The following ERC2 variants were observed in gnomAD, a reference collection of about 807,000 sequenced individuals.
The protein encoded by ERC2 is ELKS/RAB6-interacting/CAST family member 2.
Under a neutral mutation model 114.8 loss-of-function variants are expected in ERC2, and 42 were observed. That is an observed-to-expected ratio of 0.37 (90% confidence interval 0.29 to 0.47). The LOEUF is 0.47. ERC2 is among the 20% of genes least tolerant of loss of function. ERC2 has a pLI of 0.99. For missense variants in ERC2, 939 were observed against 1,150.7 expected (o/e 0.82, Z 2.66); for synonymous variants, 454 against 425.5 (o/e 1.07, Z -0.82).
chr3:55,869,095 T>C (rs2062452679), intron 14 of ERC2, among the ~76,000 whole-genome samples: 1 of 152,180 alleles, frequency 6.6e-6, no homozygotes, highest in Non-Finnish European at 1.5e-5. Context: ...CCAGTTACAG[T>C]TGACCAATGT....
At chr3:55,554,171 G>A (rs2055429963) in intron 17 of ERC2, among the ~76,000 whole-genome samples, 1 of 151,998 alleles carries the variant, frequency 6.6e-6, no homozygotes, top group Admixed American at 6.6e-5. Flanking sequence ...TAGACGACCT[G>A]GACTATCTTA....
At chr3:55,687,886 C>T (rs1473636150) in intron 16 of ERC2, among the ~76,000 whole-genome samples, 1 of 152,212 alleles carries the variant, frequency 6.6e-6, no homozygotes, top group Non-Finnish European at 1.5e-5. Context: ...AAACAATAGG[C>T]TTAGGCATGA....
chr3:56,212,396 G>C (rs143523012), intron 3 of ERC2, among the ~76,000 whole-genome samples: 1 of 151,900 alleles, frequency 6.6e-6, no homozygotes, highest in East Asian at 1.9e-4. Context: ...AATCAAAACC[G>C]CAATGTGATA....
At chr3:55,955,248 TTGTGTGTGTGTGTGTGTGTGTGTGTG>T (rs60633794) in intron 12 of ERC2, 3 of 360,696 alleles carry the variant, frequency 8.3e-6, no homozygotes, top group Non-Finnish European at 1.7e-5. Context: ...GGTGGTGTGT[TTGTGTGTGTGTGTGTGTGTGTGTGTG>T]TGTGTGTGTG....
chr3:56,332,900 C>G (rs1418124185), intron 2 of ERC2, among the ~76,000 whole-genome samples: 2 of 151,956 alleles, frequency 1.3e-5, no homozygotes, highest in Non-Finnish European at 2.9e-5. Context: ...GAAAAAGAAG[C>G]CAGAGAAGAA....
At chr3:55,665,767 G>A (rs2061334535) in intron 17 of ERC2, among the ~76,000 whole-genome samples, 1 of 152,210 alleles carries the variant, frequency 6.6e-6, no homozygotes, top group Admixed American at 6.5e-5. Context: ...TCATCATGGT[G>A]CTAATGCTGA....
At chr3:56,185,182 T>C (rs4974175) in intron 3 of ERC2, 117,489 of 152,146 alleles carry the variant, frequency 0.77, 47,242 homozygotes, top group South Asian at 0.89. Flanking sequence ...TGGTTAGTAT[T>C]GGGGTGAGAG....
intron 3 of ERC2, among the ~76,000 whole-genome samples, chr3:56,281,436 CA>C (rs71099629): frequency 1.3e-3 from 60 of 47,528 alleles, no homozygotes; most frequent in African/African-American, 2.4e-3. Flanking sequence ...GACTCCGTCT[CA>C]AAAAAAAAAA....
intron 8 of ERC2, among the ~76,000 whole-genome samples, chr3:56,017,641 C>T (rs1461567392): frequency 6.6e-6 from 1 of 152,086 alleles, no homozygotes; most frequent in Non-Finnish European, 1.5e-5. Flanking sequence ...TAAGTGTCAC[C>T]TTCTCAGCAA....
intron 3 of ERC2, among the ~76,000 whole-genome samples, chr3:56,254,672 T>C (rs1001898438): frequency 1.3e-5 from 2 of 152,206 alleles, no homozygotes; most frequent in Non-Finnish European, 2.9e-5. Context: ...AAATGAATGT[T>C]GAATCAGTAA....
At chr3:56,164,416 A>G (rs1055900568) in intron 4 of ERC2, among the ~76,000 whole-genome samples, 1 of 152,086 alleles carries the variant, frequency 6.6e-6, no homozygotes, top group Non-Finnish European at 1.5e-5. Flanking sequence ...GTTGTAGCCT[A>G]TATCAGTAAT....
intron 7 of ERC2, among the ~76,000 whole-genome samples, chr3:56,039,193 T>A (rs1365782359): frequency 2.0e-5 from 3 of 152,056 alleles, no homozygotes; most frequent in Admixed American, 2.0e-4. Flanking sequence ...AACCTGTACA[T>A]CCTGCACATG....
intron 13 of ERC2, among the ~76,000 whole-genome samples, chr3:55,914,862 T>C (rs1274136857): frequency 6.6e-6 from 1 of 152,172 alleles, no homozygotes; most frequent in Non-Finnish European, 1.5e-5. Context: ...TGGACATTCT[T>C]CCTTCTAAGT....
At chr3:56,057,954 C>T (rs914672023) in intron 7 of ERC2, among the ~76,000 whole-genome samples, 1 of 152,064 alleles carries the variant, frequency 6.6e-6, no homozygotes, top group African/African-American at 2.4e-5. Context: ...TTTTAAATAA[C>T]ATTACATAAT....
rs954142032 is a variant in ERC2, at chr3:55,595,663, T to C, written c.*40-84387A>G. Among the ~76,000 whole-genome samples the C allele has an allele frequency of 2.6e-5, 4 of 152,334 alleles. No homozygotes were observed. In the East Asian group the frequency reaches 5.8e-4, roughly 22 times the overall value. The stretch of plus-strand genomic sequence containing the variant: ...ATCTAATGAAAATGTCAGTGTTTTA[T>C]GCAGTTTAAAAACTGACAATTCAAC... On this transcript the variant is annotated intron_variant, in intron 17 of 17. Coordinates refer to ENST00000288221, the MANE Select transcript of ERC2 (RefSeq NM_015576.3).
intron 4 of ERC2, among the ~76,000 whole-genome samples, chr3:56,162,678 A>G (rs975984230): frequency 6.6e-6 from 1 of 152,168 alleles, no homozygotes; most frequent in African/African-American, 2.4e-5. Context: ...AAGTGTTCAT[A>G]ATAGTCTCTG....
At chr3:55,957,541 T>C (rs952148091) in intron 12 of ERC2, among the ~76,000 whole-genome samples, 10 of 152,172 alleles carry the variant, frequency 6.6e-5, no homozygotes, top group Admixed American at 3.9e-4. Context: ...CTGCTTGGGT[T>C]TTGCTTGAGG....
intron 17 of ERC2, among the ~76,000 whole-genome samples, chr3:55,569,090 G>C (rs1026562922): frequency 2.6e-5 from 4 of 152,122 alleles, no homozygotes; most frequent in African/African-American, 9.7e-5. Context: ...GAACTTCCAG[G>C]TAATGTGGTT....
intron 7 of ERC2, among the ~76,000 whole-genome samples, chr3:56,036,783 A>T (rs995439979): frequency 1.3e-5 from 2 of 152,162 alleles, no homozygotes; most frequent in African/African-American, 4.8e-5. Flanking sequence ...AGATTCCCTC[A>T]TGAGCCCATG....
Sources: allele counts gnomAD v4.1 joint callset (sites outside exome capture counted in the v4.1 genomes callset), GRCh38; gene constraint gnomAD v4.1.1; transcripts MANE v1.5; gene names NCBI Gene and HGNC (gene_info 2026-07-23, HGNC 2026-07-21).